RANBP2: variants seen among roughly 807,000 people sequenced by gnomAD.
RANBP2 encodes E3 SUMO-protein ligase RanBP2.
Under a neutral mutation model 303.6 loss-of-function variants are expected in RANBP2, and 57 were observed. The observed-to-expected ratio is 0.19, with a 90% CI of 0.15 to 0.23. The LOEUF is 0.23. Ranked by LOEUF, RANBP2 falls within the 10% of genes least tolerant of loss-of-function variation. The pLI is 1.00. For missense variants in RANBP2, 3,138 were observed against 3,780.8 expected (o/e 0.83, Z 4.46); for synonymous variants, 1,167 against 1,301.5 (o/e 0.90, Z 2.23).
the RANBP2 span, among the ~76,000 whole-genome samples, chr2:108,899,684 C>A: frequency 0.019 from 2,949 of 152,176 alleles, 102 homozygotes; most frequent in African/African-American, 0.069. Flanking sequence ...TTCAAACTGG[C>A]AAAATAATAA....
At chr2:109,454,186 AGG>A in the RANBP2 span, among the ~76,000 whole-genome samples, 1 of 152,238 alleles carries the variant, frequency 6.6e-6, no homozygotes, top group East Asian at 1.9e-4. Context: ...ATAAAATAGG[AGG>A]AAATACTTAC....
At chr2:109,700,731 A>G in the RANBP2 span, among the ~76,000 whole-genome samples, 1 of 152,068 alleles carries the variant, frequency 6.6e-6, no homozygotes, top group East Asian at 1.9e-4. Context: ...GTCTTATGGG[A>G]GATGCTGGTA....
chr2:109,258,517 G>T, the RANBP2 span, among the ~76,000 whole-genome samples: 2 of 152,184 alleles, frequency 1.3e-5, no homozygotes, highest in African/African-American at 4.8e-5. Context: ...GGCCAGGGCG[G>T]TGAGCCTCCG....
the RANBP2 span, among the ~76,000 whole-genome samples, chr2:108,893,651 C>T: frequency 1.3e-5 from 2 of 151,970 alleles, no homozygotes; most frequent in Non-Finnish European, 2.9e-5. Flanking sequence ...AGGGTTCTCC[C>T]TGCATAAATC....
At chr2:109,677,627 G>T in the RANBP2 span, among the ~76,000 whole-genome samples, 2 of 152,168 alleles carry the variant, frequency 1.3e-5, no homozygotes, top group Non-Finnish European at 2.9e-5. Flanking sequence ...CTTTCTCACA[G>T]CTGGGCCACC....
chr2:109,253,764 CTT>C, the RANBP2 span, among the ~76,000 whole-genome samples: 3,282 of 152,204 alleles, frequency 0.022, 113 homozygotes, highest in African/African-American at 0.073. Flanking sequence ...CATGATTTCT[CTT>C]TGATTTAGAT....
At chr2:109,156,156 A>G in the RANBP2 span, among the ~76,000 whole-genome samples, 1 of 152,216 alleles carries the variant, frequency 6.6e-6, no homozygotes, top group African/African-American at 2.4e-5. Flanking sequence ...TTTGCAGTCC[A>G]TCTCAGCAGT....
the RANBP2 span, among the ~76,000 whole-genome samples, chr2:109,684,245 C>CTTTTTATTT: frequency 4.6e-5 from 4 of 87,154 alleles, no homozygotes; most frequent in African/African-American, 1.7e-4. Flanking sequence ...CCCGGTCTTA[C>CTTTTTATTT]TTTTTTTTTT....
the RANBP2 span, chr2:109,565,781 G>T: frequency 6.2e-7 from 1 of 1,613,734 alleles, no homozygotes; most frequent in Non-Finnish European, 8.5e-7. Flanking sequence ...ACACCCCAAG[G>T]GTACTGGCGA....
the RANBP2 span, among the ~76,000 whole-genome samples, chr2:109,163,424 A>T: frequency 1.1e-5 from 1 of 90,612 alleles, no homozygotes; most frequent in Non-Finnish European, 1.9e-5. Context: ...TTTGAGACGG[A>T]GTCTCGCTCT....
At chr2:109,156,225 G>A in the RANBP2 span, among the ~76,000 whole-genome samples, 1 of 152,196 alleles carries the variant, frequency 6.6e-6, no homozygotes, top group East Asian at 1.9e-4. Flanking sequence ...GTGGGTTGAG[G>A]GGGCTGGCAG....
the RANBP2 span, among the ~76,000 whole-genome samples, chr2:108,990,701 A>G: frequency 7.2e-3 from 1,102 of 152,320 alleles, 9 homozygotes; most frequent in South Asian, 0.03. Context: ...GATTAAGCTG[A>G]ACCAGAGTTA....
At chr2:109,692,646 G>A in the RANBP2 span, among the ~76,000 whole-genome samples, 1 of 152,064 alleles carries the variant, frequency 6.6e-6, no homozygotes. Context: ...TCCCCACTGC[G>A]GCCCGGTGCC....
At chr2:109,585,660 G>A in the RANBP2 span, 1 of 1,115,796 alleles carries the variant, frequency 9.0e-7, no homozygotes, top group Non-Finnish European at 1.4e-6. Context: ...CCCATGACAA[G>A]AATGAAGTGA....
the RANBP2 span, among the ~76,000 whole-genome samples, chr2:109,740,377 A>C: frequency 1.3e-5 from 2 of 152,174 alleles, no homozygotes; most frequent in Admixed American, 6.5e-5. Flanking sequence ...CAATTATAAC[A>C]TGTGGAGGCT....
chr2:109,322,778 C>T, the RANBP2 span, among the ~76,000 whole-genome samples: 1 of 152,210 alleles, frequency 6.6e-6, no homozygotes, highest in East Asian at 1.9e-4. Flanking sequence ...CAAATAAGAA[C>T]CCTTCTCCAA....
At chr2:109,181,648 G>C in the RANBP2 span, among the ~76,000 whole-genome samples, 3 of 152,094 alleles carry the variant, frequency 2.0e-5, no homozygotes, top group Non-Finnish European at 4.4e-5. Flanking sequence ...GCCTGTTGCC[G>C]AACACACCAA....
the RANBP2 span, chr2:108,798,687 CTTCCT>C: frequency 3.8e-6 from 3 of 791,124 alleles, no homozygotes. Context: ...TTCTCCTTCC[CTTCCT>C]CCTCCTCTCC....
chr2:109,486,195 C>T, the RANBP2 span, among the ~76,000 whole-genome samples: 11 of 152,226 alleles, frequency 7.2e-5, 1 homozygote, highest in Non-Finnish European at 1.3e-4. Context: ...AGTTGCATGA[C>T]GACCATTGGC....
Sources: allele counts gnomAD v4.1 joint callset (sites outside exome capture counted in the v4.1 genomes callset), GRCh38; gene constraint gnomAD v4.1.1; transcripts MANE v1.5; gene names NCBI Gene and HGNC (gene_info 2026-07-23, HGNC 2026-07-21).